ITPR1: variants seen among roughly 807,000 people sequenced by gnomAD.
ITPR1 encodes inositol 1,4,5-trisphosphate receptor type 1, also known as inositol 1,4,5-trisphosphate-gated calcium channel ITPR1.
In ITPR1, 96 loss-of-function variants were observed where a neutral mutation model predicts 318.4. The observed-to-expected ratio is 0.30, with a 90% CI of 0.26 to 0.36. The LOEUF (loss-of-function observed/expected upper bound fraction) is 0.36, where lower values mean the gene tolerates loss of function less well. ITPR1 is among the 10% of genes least tolerant of loss of function. ITPR1 has a pLI of 1.00. For synonymous variants in ITPR1, 1,312 were observed against 1,289.9 expected (o/e 1.02, Z -0.37); for missense variants, 2,440 against 3,460.2 (o/e 0.71, Z 7.40).
intron 43 of ITPR1, among the ~76,000 whole-genome samples, chr3:4,734,751 G>A (rs1412807792): frequency 6.6e-6 from 1 of 152,224 alleles, no homozygotes; most frequent in Non-Finnish European, 1.5e-5. Flanking sequence ...TAAAAGGAGA[G>A]CTAAAGTGAT....
At chr3:4,742,679 G>C (rs904576895) in intron 44 of ITPR1, among the ~76,000 whole-genome samples, 1 of 152,060 alleles carries the variant, frequency 6.6e-6, no homozygotes, top group Admixed American at 6.5e-5. Context: ...GGCTAGACTT[G>C]AACTCCTGGG....
intron 4 of ITPR1, among the ~76,000 whole-genome samples, chr3:4,578,709 G>A (rs528643718): frequency 2.1e-4 from 32 of 152,280 alleles, no homozygotes; most frequent in African/African-American, 7.5e-4. Flanking sequence ...TGGTTGGCGC[G>A]CTCATGATTG....
chr3:4,685,741 G>T (rs1024557640), intron 30 of ITPR1, among the ~76,000 whole-genome samples: 1 of 152,212 alleles, frequency 6.6e-6, no homozygotes, highest in African/African-American at 2.4e-5. Context: ...ATTAGCGTTT[G>T]TCATTGATAC....
At chr3:4,602,392 G>A (rs965240811) in intron 4 of ITPR1, among the ~76,000 whole-genome samples, 12 of 152,028 alleles carry the variant, frequency 7.9e-5, no homozygotes, top group Admixed American at 1.3e-4. Context: ...GCCAGGCATG[G>A]TGGTGTGCAC....
intron 44 of ITPR1, among the ~76,000 whole-genome samples, chr3:4,757,505 G>A (rs1346677562): frequency 2.0e-5 from 3 of 152,182 alleles, no homozygotes; most frequent in Admixed American, 6.5e-5. Flanking sequence ...ATGCCAAAAG[G>A]TGTTCAGAAC....
At chr3:4,593,466 G>T (rs990295297) in intron 4 of ITPR1, among the ~76,000 whole-genome samples, 1 of 152,188 alleles carries the variant, frequency 6.6e-6, no homozygotes, top group African/African-American at 2.4e-5. Context: ...TCTAAGAGCA[G>T]AATCTGGGTT....
chr3:4,781,230 A>G (rs1489801649), intron 49 of ITPR1, among the ~76,000 whole-genome samples: 2 of 152,252 alleles, frequency 1.3e-5, no homozygotes, highest in Non-Finnish European at 2.9e-5. Context: ...GATAATGACA[A>G]ATAATTCATG....
chr3:4,598,420 G>T (rs1575660135), intron 4 of ITPR1, among the ~76,000 whole-genome samples: 1 of 152,268 alleles, frequency 6.6e-6, no homozygotes, highest in African/African-American at 2.4e-5. Flanking sequence ...AGAAGTTTGA[G>T]ACCAGCCTGG....
At chr3:4,795,638 C>G (rs1452018201) in intron 53 of ITPR1, among the ~76,000 whole-genome samples, 1 of 151,478 alleles carries the variant, frequency 6.6e-6, no homozygotes, top group Non-Finnish European at 1.5e-5. Context: ...TAAGAAATCT[C>G]TGGAATATTT....
intron 54 of ITPR1, among the ~76,000 whole-genome samples, chr3:4,802,080 T>TG (rs2106471502): frequency 6.6e-6 from 1 of 152,138 alleles, no homozygotes; most frequent in South Asian, 2.1e-4. Context: ...AAATATGAGG[T>TG]GAAAAAAGGG....
rs1458371795 is a variant in ITPR1, at chr3:4,665,250, G to C, written c.1667G>C (p.Cys556Ser). ...HAPFRHICRL[C>S]YRVLRHSQQD... ...CCTTTCAGACACATCTGCCGGCTCT[G>C]CTACAGGGTGCTGAGACACTCGCAG... is the stretch of plus-strand genomic sequence containing the variant. The change falls in exon 17 of 62, where the codon TGC becomes TCC. Residue 556 changes from cysteine to serine, a missense_variant. Around this residue, in one of 23 missense-constraint regions of ITPR1, gnomAD observed 478 missense variants for 696.3 expected, o/e 0.69. Coordinates refer to ENST00000649015, the MANE Select transcript of ITPR1 (RefSeq NM_001378452.1). 3.7e-6 allele frequency: 6 copies of C among 1,614,012 alleles called. No homozygotes were observed. Among genetic ancestry groups the C allele is most frequent in the Non-Finnish European group, 5.1e-6 (6 of 1,179,876 alleles).
chr3:4,814,318 C>A (rs2049139983), intron 57 of ITPR1, 105 bp from the exon 58 acceptor site: 7 of 1,229,042 alleles, frequency 5.7e-6, no homozygotes, highest in South Asian at 3.6e-5. Context: ...TAATTTTATT[C>A]TTTCGTGTGC....
chr3:4,829,141 G>A (rs185373507), intron 60 of ITPR1, among the ~76,000 whole-genome samples: 45 of 152,282 alleles, frequency 3.0e-4, no homozygotes, highest in Admixed American at 2.6e-3. Flanking sequence ...TGAGGTAGCT[G>A]GTGAGGTGAT....
chr3:4,567,581 A>AG lies in ITPR1; in HGVS notation c.163+46491dup, dbSNP rs1169121406. On this transcript the variant is annotated intron_variant, in intron 4 of 61. Transcript: ENST00000649015. ...TGAGGTGGGTCATGGAGGGCTTTATAGGGGAGGTGACGCTTGAGCTAGTTT... is the reference window on the plus strand; with the variant it reads ...TGAGGTGGGTCATGGAGGGCTTTATAGGGGGAGGTGACGCTTGAGCTAGTTT... Among the ~76,000 whole-genome samples the AG allele has an allele frequency of 3.3e-5, 5 of 149,976 alleles. No homozygotes were observed. In the Admixed American group the frequency reaches 3.4e-4, roughly 10 times the overall value.
chr3:4,663,486 A>G (rs1176012194), intron 16 of ITPR1, among the ~76,000 whole-genome samples: 1 of 152,216 alleles, frequency 6.6e-6, no homozygotes, highest in Non-Finnish European at 1.5e-5. Context: ...TTGATTTTTC[A>G]ATAGACTATT....
At chr3:4,662,017 G>A (rs752992221) in intron 14 of ITPR1, 65 bp from the exon 15 acceptor site, 12 of 1,404,870 alleles carry the variant, frequency 8.5e-6, no homozygotes, top group African/African-American at 1.4e-5. Flanking sequence ...TAAATGTAGT[G>A]TTTGATTAAA....
chr3:4,702,748 A>C (rs1057475252), intron 35 of ITPR1, 82 bp from the exon 36 acceptor site: 22 of 1,458,014 alleles, frequency 1.5e-5, no homozygotes, highest in Middle Eastern at 1.9e-4. Flanking sequence ...GGTTCAAGAC[A>C]ATGTCTCTGT....
At chr3:4,631,328 T>G (rs1243226938) in intron 5 of ITPR1, among the ~76,000 whole-genome samples, 2 of 152,304 alleles carry the variant, frequency 1.3e-5, no homozygotes, top group Non-Finnish European at 2.9e-5. Flanking sequence ...CTTTTTGACC[T>G]ATTTCTTTAT....
chr3:4,812,097 TG>T (rs2048976134), intron 56 of ITPR1, among the ~76,000 whole-genome samples: 1 of 149,942 alleles, frequency 6.7e-6, no homozygotes, highest in Non-Finnish European at 1.5e-5. Context: ...TGATGTGCAG[TG>T]GTATGATTTC....
Sources: allele counts gnomAD v4.1 joint callset (sites outside exome capture counted in the v4.1 genomes callset), GRCh38; gene constraint gnomAD v4.1.1; regional missense constraint gnomAD v4.1.1; transcripts MANE v1.5; gene names NCBI Gene and HGNC (gene_info 2026-07-23, HGNC 2026-07-21).